HEYL: variants seen among roughly 807,000 people sequenced by gnomAD.
HEYL encodes the protein hes related family bHLH transcription factor with YRPW motif like, also known as hairy/enhancer-of-split related with YRPW motif-like protein.
HEYL carries 12 observed loss-of-function variants against 18.6 expected under a neutral mutation model. That is an observed-to-expected ratio of 0.65 (90% CI 0.41 to 1.05). The LOEUF is 1.05. Ranked by LOEUF, HEYL falls within the 50% of genes least tolerant of loss-of-function variation. The pLI is 0.00. For missense variants in HEYL, 420 were observed against 444.7 expected (o/e 0.94, Z 0.50); for synonymous variants, 159 against 179.6 (o/e 0.89, Z 0.91).
chr1:39,626,771 C>CCCTCGACTGGG lies in HEYL; in HGVS notation c.712_722dup (p.Ala242ProfsTer14). 4 of 1,547,586 alleles carry CCCTCGACTGGG rather than the reference C, an allele frequency of 2.6e-6. No individual in the cohort carries two copies. Among genetic ancestry groups the CCCTCGACTGGG allele is most frequent in the Non-Finnish European group, 3.5e-6 (4 of 1,144,004 alleles). On this transcript the variant is annotated frameshift_variant, in exon 5 of 5. Transcript: ENST00000372852. LOFTEE classifies it low-confidence loss of function (END_TRUNC). ...GGCGGGCCCTCCGGGTGGAAGATGC[C>CCCTCGACTGGG]CCTCGACTGGGCAGCACATTCCTCC...
rs1421119791 is a variant in HEYL, at chr1:39,625,118, C to G, written c.*1389G>C. ...CAGCCTTGGATCGGCCAGGCAGTAA[C>G]CAGATCGTAGGAGTCCTGGGGGAAG... On this transcript the variant is annotated 3_prime_UTR_variant, in exon 5 of 5. Transcript: ENST00000372852. The G allele has an allele frequency of 6.6e-6, 1 of 152,228 alleles. No individual in the cohort carries two copies. Among genetic ancestry groups the G allele is most frequent in the East Asian group, 1.9e-4 (1 of 5,186 alleles). The allele number at this position is 152,228 out of a possible 1,614,324, so 9.4% of individuals were successfully genotyped here. A position where few individuals can be genotyped will look rare whatever the true frequency, so the allele number is the denominator to read the frequency against.
chr1:39,626,405 T>A lies in HEYL; in HGVS notation c.*102A>T. The A allele has an allele frequency of 9.1e-7, 1 of 1,100,904 alleles. No homozygotes were observed. The highest frequency in any genetic ancestry group is 1.3e-6 in the Non-Finnish European group (1 of 790,258). 68.2% of individuals were successfully genotyped at this position (1,100,904 alleles called of 1,614,324 possible). ...TGGCTGGAGAACGTGCCTTCACATATGAGCCAGTCCATGAAGCAAAGCAGA... is the reference window on the plus strand; with the variant it reads ...TGGCTGGAGAACGTGCCTTCACATAAGAGCCAGTCCATGAAGCAAAGCAGA... On this transcript the variant is annotated 3_prime_UTR_variant, in exon 5 of 5. Transcript: ENST00000372852.
In HEYL at chr1:39,626,437, A is replaced by AGTGCCCTTTC; in HGVS notation, c.*69_*70insGAAAGGGCAC. Reference sequence around the variant, plus strand: ...GTCCATGAAGCAAAGCAGAAAAGGCAGTGCCCTTTTTTGGGCTCCTGGTAA... The same window carrying AGTGCCCTTTC: ...GTCCATGAAGCAAAGCAGAAAAGGCAGTGCCCTTTCGTGCCCTTTTTTGGGCTCCTGGTAA... On this transcript the variant is annotated 3_prime_UTR_variant, in exon 5 of 5. Transcript: ENST00000372852. 1 of 1,353,056 alleles carries AGTGCCCTTTC rather than the reference A, an allele frequency of 7.4e-7. No individual in the cohort carries two copies. The highest frequency in any genetic ancestry group is 1.5e-5 in the African/African-American group (1 of 67,436). The allele number at this position is 1,353,056 out of a possible 1,614,324, so 83.8% of individuals were successfully genotyped here. A position where few individuals can be genotyped will look rare whatever the true frequency, so the allele number is the denominator to read the frequency against.
intron 1 of HEYL, 36 bp from the exon 2 acceptor site, chr1:39,632,751 G>C: frequency 6.2e-7 from 1 of 1,612,018 alleles, no homozygotes; most frequent in Non-Finnish European, 8.5e-7. Context: ...TTTCAGGGCT[G>C]GGGGACAGTC....
intron 1 of HEYL, chr1:39,633,074 C>A (rs1646343968): frequency 1.0e-6 from 1 of 968,966 alleles, no homozygotes; most frequent in Admixed American, 6.2e-5. Context: ...CTGGGCCGGG[C>A]GGGTTGGGTT....
rs758801120 is a variant in HEYL at position 39,627,161 on chromosome 1, G to A, written c.333C>T (p.Ala111=). The change falls in exon 5 of 5, where the codon GCC becomes GCT. Residue 111 remains alanine (A), a synonymous_variant. Coordinates refer to ENST00000372852, the MANE Select transcript of HEYL (RefSeq NM_014571.4). ...TGGTGFFDAR[A]LAVDFRSIGF... ...CAATGCTCCGGAAGTCAACTGCCAGGGCTCGGGCATCAAAGAATCCTGCAA... is the reference window on the plus strand; with the variant it reads ...CAATGCTCCGGAAGTCAACTGCCAGAGCTCGGGCATCAAAGAATCCTGCAA... The A allele has an allele frequency of 2.5e-6, 4 of 1,612,094 alleles. No homozygotes were observed. The highest frequency in any genetic ancestry group is 1.3e-5 in the African/African-American group (1 of 74,992).
chr1:39,637,252 G>A (rs1646366063), intron 1 of HEYL, among the ~76,000 whole-genome samples: 1 of 152,224 alleles, frequency 6.6e-6, no homozygotes, highest in South Asian at 2.1e-4. Context: ...AGCTCTGTGG[G>A]TGAGTTTCAC....
chr1:39,628,201 G>T (rs1038311050), intron 4 of HEYL, among the ~76,000 whole-genome samples: 7 of 152,360 alleles, frequency 4.6e-5, no homozygotes, highest in African/African-American at 1.7e-4. Flanking sequence ...ACTTGTGGGT[G>T]AGAACCAAAT....
Position 39,624,640 on chromosome 1 carries a change from G to A in HEYL, c.*1867C>T, listed in dbSNP as rs1646285940. On this transcript the variant is annotated 3_prime_UTR_variant, in exon 5 of 5. Transcript: ENST00000372852. ...TCCCTGTCCCCAATCCTGGGAGCAT[G>A]TGTGAGTTCTGTCTTCCTTCTACCA... The A allele has an allele frequency of 6.6e-6, 1 of 152,354 alleles. No homozygotes were observed. The allele number at this position is 152,354 out of a possible 1,614,324, so 9.4% of individuals were successfully genotyped here. A position where few individuals can be genotyped will look rare whatever the true frequency, so the allele number is the denominator to read the frequency against.
chr1:39,630,173 A>C, intron 4 of HEYL, 54 bp downstream of exon 4: 1 of 1,509,156 alleles, frequency 6.6e-7, no homozygotes, highest in Non-Finnish European at 9.2e-7. Context: ...CCCAGGGCCC[A>C]GCCTCAAAAT....
chr1:39,634,448 T>C (rs1023840490), intron 1 of HEYL, among the ~76,000 whole-genome samples: 2 of 152,180 alleles, frequency 1.3e-5, no homozygotes, highest in African/African-American at 4.8e-5. Flanking sequence ...AACTGGCCCC[T>C]GTCAACCCCT....
rs1206929600 is a variant in HEYL at position 39,623,936 on chromosome 1, G to A, written c.*2571C>T. The stretch of plus-strand genomic sequence containing the variant: ...AGACCTTTAGAACAATAGGGTAAGA[G>A]AGTGAGGTTTTCAAACTAAAGATGA... On this transcript the variant is annotated 3_prime_UTR_variant, in exon 5 of 5. Coordinates refer to ENST00000372852, the MANE Select transcript of HEYL (RefSeq NM_014571.4). 6.6e-6 allele frequency among the ~76,000 whole-genome samples: 1 copy of A among 152,212 alleles called. No homozygotes were observed. Among genetic ancestry groups the A allele is most frequent in the Non-Finnish European group, 1.5e-5 (1 of 68,040 alleles).
At position 39,626,699 on chromosome 1, in the gene HEYL, C is replaced by A. The variant is rs931874683; in HGVS notation, c.795G>T (p.Arg265Ser). Reference protein sequence around the residue: ...ATPVPVAPSSRAARSSHIAPL... With the variant: ...ATPVPVAPSSSAARSSHIAPL... Reference sequence around the variant, plus strand: ...GAGCGATGTGGCTGCTCCTGGCAGCCCTGCTGCTGGGGGCGACAGGCACAG... The same window carrying A: ...GAGCGATGTGGCTGCTCCTGGCAGCACTGCTGCTGGGGGCGACAGGCACAG... The change falls in exon 5 of 5, where the codon AGG becomes AGT. Residue 265 changes from arginine to serine, a missense_variant. Transcript: ENST00000372852. The A allele has an allele frequency of 2.7e-6, 4 of 1,506,504 alleles. No individual in the cohort carries two copies. Among genetic ancestry groups the A allele is most frequent in the East Asian group, 2.4e-5 (1 of 41,328 alleles). The allele number at this position is 1,506,504 out of a possible 1,614,324, so 93.3% of individuals were successfully genotyped here. A position where few individuals can be genotyped will look rare whatever the true frequency, so the allele number is the denominator to read the frequency against.
chr1:39,626,416 A>T lies in HEYL; in HGVS notation c.*91T>A. 1 of 1,223,834 alleles carries T rather than the reference A, an allele frequency of 8.2e-7. No individual in the cohort carries two copies. The highest frequency in any genetic ancestry group is 2.4e-4 in the Middle Eastern group (1 of 4,200). The allele number at this position is 1,223,834 out of a possible 1,614,324, so 75.8% of individuals were successfully genotyped here. A position where few individuals can be genotyped will look rare whatever the true frequency, so the allele number is the denominator to read the frequency against. ...CGTGCCTTCACATATGAGCCAGTCC[A>T]TGAAGCAAAGCAGAAAAGGCAGTGC... On this transcript the variant is annotated 3_prime_UTR_variant, in exon 5 of 5. Transcript: ENST00000372852.
rs931202726 is a variant in HEYL at position 39,632,683 on chromosome 1, G to C, written c.113C>G (p.Ser38Cys). The C allele has an allele frequency of 7.4e-6, 12 of 1,613,958 alleles. No individual in the cohort carries two copies. Among genetic ancestry groups the C allele is most frequent in the Admixed American group, 6.7e-5 (4 of 59,992 alleles). The change falls in exon 2 of 5, where the codon TCT becomes TGT. Residue 38 changes from serine to cysteine, a missense_variant. Coordinates refer to ENST00000372852, the MANE Select transcript of HEYL (RefSeq NM_014571.4). ...TTTCTTCCTGGCTTGCATCTGCGAA[G>C]AGCTGGGGGTGGACAGCGGCCTGGC... ...QMARPLSTPS[S>C]SQMQARKKHR...
chr1:39,630,625 C>A (rs1646328083), intron 3 of HEYL, among the ~76,000 whole-genome samples: 1 of 152,228 alleles, frequency 6.6e-6, no homozygotes, highest in Non-Finnish European at 1.5e-5. Context: ...ACTGTCCCTT[C>A]TGTGTCACTT....
chr1:39,630,169 G>T, intron 4 of HEYL, 58 bp downstream of exon 4: 2 of 1,476,504 alleles, frequency 1.4e-6, no homozygotes, highest in Non-Finnish European at 9.5e-7. Flanking sequence ...TATCCCCAGG[G>T]CCCAGCCTCA....
chr1:39,638,944 C>A (rs1421876593), intron 1 of HEYL, among the ~76,000 whole-genome samples: 1 of 152,182 alleles, frequency 6.6e-6, no homozygotes, highest in African/African-American at 2.4e-5. Context: ...AGCTGAAAGA[C>A]ACTGGCAGTA....
At position 39,639,474 on chromosome 1, in the gene HEYL, C is replaced by A. The variant is rs1318003949; in HGVS notation, c.80+72G>T. On this transcript the variant is annotated intron_variant, in intron 1 of 4. Transcript: ENST00000372852. The stretch of plus-strand genomic sequence containing the variant: ...GTGCTGGAGGGCTGGCCCGCCTGCT[C>A]GGCGAGCCCGTCGGGCCGACCCCCA... The A allele has an allele frequency of 7.5e-6, 10 of 1,331,362 alleles. No homozygotes were observed. The East Asian group carries it at 2.6e-4, about 35-fold the overall frequency. 82.5% of individuals were successfully genotyped at this position (1,331,362 alleles called of 1,614,324 possible). A position where few individuals can be genotyped will look rare whatever the true frequency, so the allele number is the denominator to read the frequency against.
Sources: gnomAD v4.1 joint callset for allele counts (sites outside exome capture counted in the v4.1 genomes callset) on GRCh38, gnomAD v4.1.1 for gene constraint, MANE v1.5 for transcripts, NCBI Gene and HGNC (gene_info 2026-07-23, HGNC 2026-07-21) for gene names.